Variants in ANKFN1 observed in about 807,000 individuals in gnomAD.
ANKFN1 encodes the protein ankyrin repeat and fibronectin type-III domain-containing protein 1.
A neutral mutation model predicts 108.7 loss-of-function variants in ANKFN1; 74 were observed. The ratio of observed to expected loss-of-function variants is 0.68; its 90% confidence interval spans 0.56 to 0.83. The LOEUF is 0.83. ANKFN1 is among the 40% of genes least tolerant of loss of function. ANKFN1 has a pLI of 0.00. For synonymous variants in ANKFN1, 547 were observed against 516.2 expected (o/e 1.06, Z -0.81); for missense variants, 1,505 against 1,382.3 (o/e 1.09, Z -1.41).
At chr17:56,073,001 T>A (rs1240974416) in intron 4 of ANKFN1, among the ~76,000 whole-genome samples, 2 of 151,896 alleles carry the variant, frequency 1.3e-5, no homozygotes, top group African/African-American at 4.8e-5. Flanking sequence ...TTATTTTCTT[T>A]TTTTTTTTTG....
At chr17:56,188,575 G>C (rs1217581215) in intron 1 of ANKFN1, among the ~76,000 whole-genome samples, 1 of 88,254 alleles carries the variant, frequency 1.1e-5, no homozygotes, top group Non-Finnish European at 2.1e-5. Context: ...GTGTGTGTGT[G>C]TGTGTGTATA....
chr17:56,237,971 T>A (rs1917283559), intron 3 of ANKFN1, among the ~76,000 whole-genome samples: 1 of 152,118 alleles, frequency 6.6e-6, no homozygotes, highest in Non-Finnish European at 1.5e-5. Context: ...TTCTGGTATG[T>A]TTTATCATTG....
At chr17:56,249,637 C>T (rs2043192724) in intron 3 of ANKFN1, among the ~76,000 whole-genome samples, 1 of 152,192 alleles carries the variant, frequency 6.6e-6, no homozygotes, top group African/African-American at 2.4e-5. Context: ...GACAGCTAGA[C>T]TTACCAAGTT....
rs1313831833 is a variant in ANKFN1, at chr17:56,516,294, G to T, written c.*5025G>T. ...TGTGTGTGTGTGTGCGTGTGTGGTG[G>T]TGTCAGAGAGATGTTTCATAGAAAA... On this transcript the variant is annotated 3_prime_UTR_variant, in exon 21 of 21. Coordinates refer to ENST00000682825, the MANE Select transcript of ANKFN1 (RefSeq NM_001370326.1). Among the ~76,000 whole-genome samples the T allele has an allele frequency of 2.0e-5, 3 of 151,862 alleles. No homozygotes were observed. Among genetic ancestry groups the T allele is most frequent in the South Asian group, 2.1e-4 (1 of 4,804 alleles).
intron 8 of ANKFN1, among the ~76,000 whole-genome samples, chr17:56,420,109 C>G (rs1324032150): frequency 6.6e-6 from 1 of 152,148 alleles, no homozygotes; most frequent in Admixed American, 6.5e-5. Context: ...ACGTTATTCC[C>G]TCTGCATGAC....
chr17:56,510,778 G>A lies in ANKFN1; in HGVS notation c.2950G>A (p.Ala984Thr). ...TLTGFTPKNH[A>T]KTVSGGRPPL... ...CACGGGGTTCACACCCAAGAACCAC[G>A]CCAAGACTGTGTCCGGTGGGCGGCC... Residue 984 changes from alanine (A) to threonine (T), a missense_variant, in exon 21 of 21, where the codon GCC becomes ACC. Physicochemically the swap from Ala to Thr is moderately conservative, Grantham distance 58. Transcript: ENST00000682825. 1 of 1,536,146 alleles carries A rather than the reference G, an allele frequency of 6.5e-7. No individual in the cohort carries two copies. The highest frequency in any genetic ancestry group is 8.7e-7 in the Non-Finnish European group (1 of 1,146,918).
chr17:56,285,195 G>C (rs1318724662), intron 3 of ANKFN1, among the ~76,000 whole-genome samples: 1 of 152,096 alleles, frequency 6.6e-6, no homozygotes, highest in Non-Finnish European at 1.5e-5. Context: ...GGTGCGGTTG[G>C]GGACTGTGTG....
At chr17:56,125,025 A>G (rs1372953005) in intron 4 of ANKFN1, among the ~76,000 whole-genome samples, 1 of 152,164 alleles carries the variant, frequency 6.6e-6, no homozygotes, top group Non-Finnish European at 1.5e-5. Context: ...CACTCTTCCC[A>G]TCTTTAAATG....
At chr17:56,139,016 A>G (rs1272700828) in intron 4 of ANKFN1, among the ~76,000 whole-genome samples, 3 of 152,222 alleles carry the variant, frequency 2.0e-5, no homozygotes, top group African/African-American at 7.2e-5. Flanking sequence ...TTATTAATCT[A>G]TCAGATGATA....
At chr17:56,125,201 C>A (rs1156415877) in intron 4 of ANKFN1, among the ~76,000 whole-genome samples, 2 of 152,222 alleles carry the variant, frequency 1.3e-5, no homozygotes, top group Non-Finnish European at 2.9e-5. Context: ...CTATGGGCAG[C>A]CTGAGCTGTG....
intron 4 of ANKFN1, among the ~76,000 whole-genome samples, chr17:56,112,950 A>C (rs1370030181): frequency 2.0e-5 from 3 of 152,236 alleles, no homozygotes; most frequent in African/African-American, 7.2e-5. Context: ...GTGTACTTCT[A>C]TAGCATTTCT....
intron 1 of ANKFN1, among the ~76,000 whole-genome samples, chr17:56,175,147 C>A (rs546394193): frequency 6.6e-6 from 1 of 152,274 alleles, no homozygotes; most frequent in East Asian, 1.9e-4. Context: ...CAGGATTTTA[C>A]TTATACATAG....
At chr17:56,351,462 T>G (rs970886200) in intron 5 of ANKFN1, among the ~76,000 whole-genome samples, 12 of 150,664 alleles carry the variant, frequency 8.0e-5, no homozygotes, top group South Asian at 2.1e-4. Flanking sequence ...AAAAAACAAC[T>G]AGGAAAAGAA....
At chr17:56,388,651 A>C (rs767226703) in intron 8 of ANKFN1, among the ~76,000 whole-genome samples, 4 of 151,962 alleles carry the variant, frequency 2.6e-5, no homozygotes, top group Non-Finnish European at 2.9e-5. Context: ...TATTTTCTTC[A>C]TATCTCTAAT....
intron 2 of ANKFN1, among the ~76,000 whole-genome samples, chr17:56,218,998 A>G (rs1302658523): frequency 6.6e-6 from 1 of 152,160 alleles, no homozygotes; most frequent in Non-Finnish European, 1.5e-5. Context: ...CTTTTCACAC[A>G]TCCCTGTAAT....
chr17:56,110,212 G>C (rs1420655284), intron 4 of ANKFN1, among the ~76,000 whole-genome samples: 1 of 152,148 alleles, frequency 6.6e-6, no homozygotes, highest in Non-Finnish European at 1.5e-5. Flanking sequence ...AGCCACTCGA[G>C]CCTTCTTCCC....
intron 1 of ANKFN1, among the ~76,000 whole-genome samples, chr17:56,180,703 T>A (rs981440474): frequency 1.1e-4 from 16 of 152,202 alleles, no homozygotes; most frequent in African/African-American, 3.9e-4. Context: ...TTTCACCAGC[T>A]GCTTATGTCT....
At chr17:56,409,655 G>C (rs953126547) in intron 8 of ANKFN1, among the ~76,000 whole-genome samples, 6 of 152,150 alleles carry the variant, frequency 3.9e-5, no homozygotes, top group African/African-American at 1.4e-4. Context: ...GACTCAAATG[G>C]ACTTCATGAC....
chr17:56,122,875 AC>A (rs946560934), intron 4 of ANKFN1, among the ~76,000 whole-genome samples: 2 of 152,192 alleles, frequency 1.3e-5, no homozygotes, highest in Non-Finnish European at 2.9e-5. Context: ...ATTATGAGGC[AC>A]CACTTGGCTT....
Sources: gnomAD v4.1 joint callset for allele counts (sites outside exome capture counted in the v4.1 genomes callset) on GRCh38, gnomAD v4.1.1 for gene constraint, MANE v1.5 for transcripts, NCBI Gene and HGNC (gene_info 2026-07-23, HGNC 2026-07-21) for gene names.